The following DSCAML1 variants were observed in gnomAD, a reference collection of about 807,000 sequenced individuals.
DSCAML1 encodes the protein DS cell adhesion molecule like 1, also known as cell adhesion molecule DSCAML1.
In DSCAML1, 38 loss-of-function variants were observed where a neutral mutation model predicts 200.5. The ratio of observed to expected loss-of-function variants is 0.19; its 90% CI spans 0.15 to 0.25. The LOEUF is 0.25. DSCAML1 is among the 10% of genes least tolerant of loss of function. DSCAML1 has a pLI of 1.00. For missense variants in DSCAML1, 2,223 were observed against 2,858.8 expected, an observed-to-expected ratio of 0.78 and a Z score of 5.07; for synonymous variants, 1,215 against 1,165.0, an observed-to-expected ratio of 1.04 and a Z score of -0.87.
chr11:117,502,409 G>A (rs543939202), intron 11 of DSCAML1, among the ~76,000 whole-genome samples: 16 of 152,226 alleles, frequency 1.1e-4, no homozygotes, highest in South Asian at 2.1e-4. Flanking sequence ...CCCCCGCCTC[G>A]CGCAGCCAGA....
At position 117,484,061 on chromosome 11, in the gene DSCAML1, G is replaced by A. The variant is rs111854702; in HGVS notation, c.2360-1899C>T. On this transcript the variant is annotated intron_variant, in intron 11 of 32. Transcript: ENST00000651296. ...TGCCCCCCGCCCCTGCCCCGGCACC[G>A]TGTCTCTGCTCCATTTCAACAGCTG... 8.8e-5 allele frequency among the ~76,000 whole-genome samples: 8 copies of A among 90,474 alleles called. No homozygotes were observed. The East Asian group carries it at 1.3e-3, about 15-fold the overall frequency. The allele number at this position is 90,474 out of a possible 152,430, so 59.4% of individuals were successfully genotyped here.
chr11:117,630,387 C>T (rs1298273787), intron 3 of DSCAML1, among the ~76,000 whole-genome samples: 1 of 152,126 alleles, frequency 6.6e-6, no homozygotes, highest in African/African-American at 2.4e-5. Flanking sequence ...GCCTTGCAGA[C>T]ACACAGATCT....
intron 8 of DSCAML1, among the ~76,000 whole-genome samples, chr11:117,515,610 C>CTGTTTTTTTTTTTTTTT: frequency 1.5e-5 from 1 of 65,122 alleles, no homozygotes; most frequent in Non-Finnish European, 2.7e-5. Context: ...AGGGACGAAG[C>CTGTTTTTTTTTTTTTTT]TTTTTTTTTT....
intron 3 of DSCAML1, among the ~76,000 whole-genome samples, chr11:117,635,399 C>T (rs961042840): frequency 2.6e-5 from 4 of 151,586 alleles, no homozygotes; most frequent in African/African-American, 9.7e-5. Flanking sequence ...GATGTGGTGC[C>T]AGTGGTTGAG....
chr11:117,527,161 C>T (rs893446751), intron 4 of DSCAML1, among the ~76,000 whole-genome samples: 3 of 152,104 alleles, frequency 2.0e-5, no homozygotes, highest in African/African-American at 7.2e-5. Context: ...GATCTTGTCT[C>T]AAAAATAATG....
intron 3 of DSCAML1, among the ~76,000 whole-genome samples, chr11:117,535,729 AGTGTCGGGAGGTAGTGATG>A (rs1216240523): frequency 6.6e-6 from 1 of 152,214 alleles, no homozygotes; most frequent in East Asian, 1.9e-4. Context: ...CAGAAGTGCC[AGTGTCGGGAGGTAGTGATG>A]GTGGGGTGAG....
In DSCAML1 at chr11:117,610,566, A is replaced by G. The variant is rs139880741; in HGVS notation, c.512-78044T>C. On this transcript the variant is annotated intron_variant, in intron 3 of 32. Transcript: ENST00000651296. ...GAACAGACGGTGGGGAGGAAGAGGTAATGGAGGTATGGGATCTTCAGCATG... is the reference window on the plus strand; with the variant it reads ...GAACAGACGGTGGGGAGGAAGAGGTGATGGAGGTATGGGATCTTCAGCATG... 8.9e-3 allele frequency among the ~76,000 whole-genome samples: 1,353 copies of G among 152,040 alleles called. 20 individuals carry two copies. Among genetic ancestry groups the G allele is most frequent in the African/African-American group, 0.031 (1,284 of 41,458 alleles).
At chr11:117,551,507 C>A (rs1270754765) in intron 3 of DSCAML1, among the ~76,000 whole-genome samples, 2 of 152,194 alleles carry the variant, frequency 1.3e-5, no homozygotes, top group Non-Finnish European at 2.9e-5. Context: ...CTCTCCCTGC[C>A]TGCACCCTGC....
intron 3 of DSCAML1, among the ~76,000 whole-genome samples, chr11:117,590,006 G>A (rs1299742307): frequency 2.0e-5 from 3 of 152,050 alleles, no homozygotes; most frequent in South Asian, 2.1e-4. Flanking sequence ...AGGGTTTGGG[G>A]TCTCACTAGG....
intron 1 of DSCAML1, among the ~76,000 whole-genome samples, chr11:117,802,704 C>T (rs558782039): frequency 3.3e-4 from 50 of 152,268 alleles, no homozygotes; most frequent in Middle Eastern, 3.4e-3. Flanking sequence ...CTGCTGAGCC[C>T]GCATCACTGT....
rs1406860954 is a variant in DSCAML1, at chr11:117,769,378, TTATATATTA to T, written c.511+7404_511+7412del. 6.5e-4 allele frequency among the ~76,000 whole-genome samples: 8 copies of T among 12,296 alleles called. 3 individuals carry two copies. The highest frequency in any genetic ancestry group is 1.4e-3 in the African/African-American group (8 of 5,686). The allele number at this position is 12,296 out of a possible 152,430, so 8.1% of individuals were successfully genotyped here. The stretch of plus-strand genomic sequence containing the variant: ...TTATATATTTTATATAATATATATT[TTATATATTA>T]TATATATTTTTATATAATATATATT... On this transcript the variant is annotated intron_variant, in intron 3 of 32. Transcript: ENST00000651296.
At position 117,516,252 on chromosome 11, in the gene DSCAML1, G is replaced by A. The variant is rs572599045; in HGVS notation, c.1783+215C>T. Among the ~76,000 whole-genome samples, 13 of 152,296 alleles carry A rather than the reference G, an allele frequency of 8.5e-5. No individual in the cohort carries two copies. The South Asian group carries it at 1.7e-3, about 19-fold the overall frequency. ...TGTGTGCTGTCTTATTCTGCAGCCC[G>A]AGGAGGACCCCGGATGTAGAGGAGC... On this transcript the variant is annotated intron_variant, in intron 8 of 32. Coordinates refer to ENST00000651296, the MANE Select transcript of DSCAML1 (RefSeq NM_020693.4). This position sits in a 1 kb window ranked among gnomAD's most constrained non-coding sequence, Gnocchi z 5.7.
chr11:117,814,849 C>A (rs917619936), intron 1 of DSCAML1, among the ~76,000 whole-genome samples: 1 of 152,188 alleles, frequency 6.6e-6, no homozygotes, highest in Non-Finnish European at 1.5e-5. Context: ...CTCCAGGCTA[C>A]TCCTGGATGA....
chr11:117,566,309 C>A (rs973374981), intron 3 of DSCAML1, among the ~76,000 whole-genome samples: 9 of 151,288 alleles, frequency 5.9e-5, no homozygotes, highest in African/African-American at 2.2e-4. Context: ...CCTTTCTTTT[C>A]TTTCTGTCTC....
At chr11:117,444,070 A>C in intron 20 of DSCAML1, 31 bp from the exon 21 acceptor site, 1 of 1,591,116 alleles carries the variant, frequency 6.3e-7, no homozygotes, top group South Asian at 1.1e-5. Context: ...GGCTCTAAGA[A>C]GCAGAACTGG....
chr11:117,726,750 A>G (rs1164411012), intron 3 of DSCAML1, among the ~76,000 whole-genome samples: 1 of 152,176 alleles, frequency 6.6e-6, no homozygotes, highest in African/African-American at 2.4e-5. Context: ...GCTCAGAGTG[A>G]GAGCTGGTGA....
intron 20 of DSCAML1, among the ~76,000 whole-genome samples, chr11:117,446,940 A>G (rs192769000): frequency 5.2e-4 from 79 of 152,370 alleles, no homozygotes; most frequent in African/African-American, 1.7e-3. Context: ...GACACATTAA[A>G]TACAGAACAA....
chr11:117,748,191 G>C (rs756225570), intron 3 of DSCAML1, among the ~76,000 whole-genome samples: 1 of 152,134 alleles, frequency 6.6e-6, no homozygotes, highest in African/African-American at 2.4e-5. Context: ...AGAACACCTG[G>C]TACTTAGCAG....
intron 1 of DSCAML1, among the ~76,000 whole-genome samples, chr11:117,788,948 T>C (rs1316668329): frequency 6.6e-6 from 1 of 152,182 alleles, no homozygotes; most frequent in Non-Finnish European, 1.5e-5. Flanking sequence ...GTATGATAAT[T>C]CAGAATTACC....
Sources: gnomAD v4.1 joint callset for allele counts (sites outside exome capture counted in the v4.1 genomes callset) on GRCh38, gnomAD v4.1.1 for gene constraint, Gnocchi (gnomAD v3.1) non-coding constraint, MANE v1.5 for transcripts, NCBI Gene and HGNC (gene_info 2026-07-23, HGNC 2026-07-21) for gene names.